ALKBH3: variants seen among roughly 807,000 people sequenced by gnomAD.
ALKBH3 encodes the protein alpha-ketoglutarate-dependent dioxygenase alkB homolog 3.
A neutral mutation model predicts 43.9 loss-of-function variants in ALKBH3; 51 were observed. The observed-to-expected ratio is 1.16, with a 90% CI of 0.93 to 1.47. The LOEUF (loss-of-function observed/expected upper bound fraction) is 1.47. Ranked by LOEUF, ALKBH3 falls within the 40% of genes most tolerant of loss-of-function variation. ALKBH3 has a pLI of 0.00. For synonymous variants in ALKBH3, 102 were observed against 115.2 expected, an observed-to-expected ratio of 0.89 and a Z score of 0.73; for missense variants, 361 against 351.9, an observed-to-expected ratio of 1.03 and a Z score of -0.21.
Position 43,888,216 on chromosome 11 carries a change from C to T in ALKBH3, c.267-1509C>T, listed in dbSNP as rs1484082591. ...CAAGCCACCCTCCCACTTCAGCCTC[C>T]GAGTAGCTGGGATTACAGGTGTGCG... On this transcript the variant is annotated intron_variant, in intron 5 of 9. Transcript: ENST00000302708. 3.3e-5 allele frequency among the ~76,000 whole-genome samples: 3 copies of T among 90,970 alleles called. 1 individual carries two copies. Among genetic ancestry groups the T allele is most frequent in the Admixed American group, 1.8e-4 (2 of 10,846 alleles). 59.7% of individuals were successfully genotyped at this position (90,970 alleles called of 152,430 possible).
rs139890394 is a variant in ALKBH3, at chr11:43,905,846, T to C, written c.669+4121T>C. ...AGTCTGGTTCTTTTCCCAGCTAGTTTTAATTCTATACTGAAAAAAACAAGC... is the reference window on the plus strand; with the variant it reads ...AGTCTGGTTCTTTTCCCAGCTAGTTCTAATTCTATACTGAAAAAAACAAGC... On this transcript the variant is annotated intron_variant, in intron 8 of 9. Transcript: ENST00000302708. Among the ~76,000 whole-genome samples the C allele has an allele frequency of 2.0e-3, 307 of 152,320 alleles. 1 individual carries two copies. The highest frequency in any genetic ancestry group is 7.1e-3 in the African/African-American group (295 of 41,574).
chr11:43,882,199 G>A (rs1951716440), intron 1 of ALKBH3, among the ~76,000 whole-genome samples: 1 of 152,172 alleles, frequency 6.6e-6, no homozygotes, highest in South Asian at 2.1e-4. Flanking sequence ...AGTGATAATG[G>A]AATATATGCT....
intron 8 of ALKBH3, among the ~76,000 whole-genome samples, chr11:43,902,893 GGCC>G (rs1951872567): frequency 6.6e-6 from 1 of 152,184 alleles, no homozygotes; most frequent in Non-Finnish European, 1.5e-5. Flanking sequence ...CACTGCACCT[GGCC>G]CAGGCTGATT....
chr11:43,894,702 C>T (rs1345195599), intron 7 of ALKBH3, among the ~76,000 whole-genome samples: 6 of 152,142 alleles, frequency 3.9e-5, no homozygotes, highest in Non-Finnish European at 7.3e-5. Context: ...TCTTGTTAAG[C>T]GTGTAATTCT....
At chr11:43,902,025 A>G (rs934712714) in intron 8 of ALKBH3, among the ~76,000 whole-genome samples, 8 of 152,214 alleles carry the variant, frequency 5.3e-5, no homozygotes, top group Non-Finnish European at 5.9e-5. Flanking sequence ...AATATTGCCT[A>G]TTACTCAAAT....
chr11:43,908,502 T>G (rs2135199031), intron 8 of ALKBH3, among the ~76,000 whole-genome samples: 1 of 152,152 alleles, frequency 6.6e-6, no homozygotes, highest in East Asian at 1.9e-4. Flanking sequence ...GGCATTTGTT[T>G]CTGGTGCTAG....
intron 8 of ALKBH3, among the ~76,000 whole-genome samples, chr11:43,903,940 CAT>C (rs1951879679): frequency 6.6e-6 from 1 of 152,182 alleles, no homozygotes; most frequent in Non-Finnish European, 1.5e-5. Flanking sequence ...AAAGATATGA[CAT>C]ATGGTGATCA....
chr11:43,882,047 A>C (rs1025304766), intron 1 of ALKBH3, among the ~76,000 whole-genome samples: 1 of 152,090 alleles, frequency 6.6e-6, no homozygotes, highest in African/African-American at 2.4e-5. Flanking sequence ...ATTGAACTTT[A>C]CCGTCCACAT....
chr11:43,906,783 C>A (rs910550697), intron 8 of ALKBH3, among the ~76,000 whole-genome samples: 1 of 152,198 alleles, frequency 6.6e-6, no homozygotes, highest in Admixed American at 6.5e-5. Flanking sequence ...AAAACACTTT[C>A]TAATGAAATT....
intron 8 of ALKBH3, chr11:43,916,549 G>T (rs973251311): frequency 2.6e-5 from 4 of 152,132 alleles, no homozygotes; most frequent in Admixed American, 2.6e-4. Context: ...CTGGTTTTGG[G>T]GGGTGTGTTT....
At chr11:43,918,386 C>T (rs1440062376) in intron 8 of ALKBH3, among the ~76,000 whole-genome samples, 1 of 152,220 alleles carries the variant, frequency 6.6e-6, no homozygotes, top group Non-Finnish European at 1.5e-5. Flanking sequence ...AAGATGTAAA[C>T]AGCCAATCTC....
At chr11:43,897,473 G>T (rs1267009684) in intron 7 of ALKBH3, 1 of 743,344 alleles carries the variant, frequency 1.3e-6, no homozygotes, top group East Asian at 2.4e-5. Context: ...AAAAATACCA[G>T]TCACCAGTGA....
Position 43,883,193 on chromosome 11 carries a change from A to G in ALKBH3, c.183+5A>G. 6.2e-7 allele frequency: 1 copy of G among 1,609,460 alleles called. No homozygotes were observed. Among genetic ancestry groups the G allele is most frequent in the East Asian group, 2.2e-5 (1 of 44,860 alleles). On this transcript the variant is annotated splice_donor_5th_base_variant and intron_variant, in intron 3 of 9. Transcript: ENST00000302708. Reference sequence around the variant, plus strand: ...GTGTTCAAAGAACCTCAGCAGGTAAATTCATGGTTTTTTCTTCAATAGTGA... The same window carrying G: ...GTGTTCAAAGAACCTCAGCAGGTAAGTTCATGGTTTTTTCTTCAATAGTGA...
At chr11:43,905,545 C>T (rs566180835) in intron 8 of ALKBH3, among the ~76,000 whole-genome samples, 1 of 151,872 alleles carries the variant, frequency 6.6e-6, no homozygotes, top group South Asian at 2.1e-4. Context: ...TACTGTCATT[C>T]CTCAGGGGCA....
chr11:43,889,335 A>G (rs965922507), intron 5 of ALKBH3, among the ~76,000 whole-genome samples: 11 of 152,092 alleles, frequency 7.2e-5, no homozygotes, highest in African/African-American at 1.7e-4. Flanking sequence ...TTATTATTCT[A>G]TTTACTCTTC....
At chr11:43,887,101 A>G (rs1398476607) in intron 5 of ALKBH3, among the ~76,000 whole-genome samples, 8 of 152,200 alleles carry the variant, frequency 5.3e-5, no homozygotes, top group Admixed American at 1.3e-4. Flanking sequence ...CCCCAAACTT[A>G]AAGTTTAAAA....
intron 1 of ALKBH3, among the ~76,000 whole-genome samples, chr11:43,882,179 T>C (rs1951716159): frequency 6.6e-6 from 1 of 152,176 alleles, no homozygotes; most frequent in African/African-American, 2.4e-5. Flanking sequence ...CAGGGAAGTT[T>C]GATGCAGCCA....
At chr11:43,898,995 A>G in intron 7 of ALKBH3, 1 of 754,386 alleles carries the variant, frequency 1.3e-6, no homozygotes, top group Non-Finnish European at 2.5e-6. Context: ...GACTGAGACC[A>G]TCTACCACTC....
chr11:43,885,938 G>A (rs1951743408), intron 4 of ALKBH3, among the ~76,000 whole-genome samples: 1 of 152,312 alleles, frequency 6.6e-6, no homozygotes, highest in Middle Eastern at 3.4e-3. Flanking sequence ...AAAGGTGAAT[G>A]AGAGTTTTCC....
Sources: gnomAD v4.1 joint callset for allele counts (sites outside exome capture counted in the v4.1 genomes callset) on GRCh38, gnomAD v4.1.1 for gene constraint, MANE v1.5 for transcripts, NCBI Gene and HGNC (gene_info 2026-07-23, HGNC 2026-07-21) for gene names.